The following ABCC1 variants were observed in gnomAD, a reference collection of about 807,000 sequenced individuals.
ABCC1 encodes the protein ATP binding cassette subfamily C member 1 (ABCC1 blood group).
In ABCC1, 83 loss-of-function variants were observed where a neutral mutation model predicts 172.9. The ratio of observed to expected loss-of-function variants is 0.48; its 90% CI spans 0.40 to 0.58. The LOEUF is 0.58. ABCC1 is among the 20% of genes least tolerant of loss of function. The probability of loss-of-function intolerance (pLI) is 0.00; values close to 1 mark genes in which losing one functional copy is unlikely to be tolerated. For synonymous variants in ABCC1, 937 were observed against 825.2 expected (o/e 1.14, Z -2.32); for missense variants, 1,817 against 2,002.7 (o/e 0.91, Z 1.77).
At chr16:16,116,352 C>T (rs1157611859) in intron 23 of ABCC1, among the ~76,000 whole-genome samples, 3 of 152,150 alleles carry the variant, frequency 2.0e-5, no homozygotes, top group South Asian at 2.1e-4. Context: ...TATCTGCAGG[C>T]ACACATTCTA....
At chr16:16,037,863 G>C (rs903207842) in intron 7 of ABCC1, among the ~76,000 whole-genome samples, 1 of 152,186 alleles carries the variant, frequency 6.6e-6, no homozygotes, top group African/African-American at 2.4e-5. Flanking sequence ...ACTCCGGTCG[G>C]AGGCTGTTTG....
intron 14 of ABCC1, 32 bp downstream of exon 14, chr16:16,071,761 G>C: frequency 6.3e-7 from 1 of 1,588,954 alleles, no homozygotes; most frequent in Non-Finnish European, 8.6e-7. Context: ...GCTTCTGGAA[G>C]TGGCCGCCTT....
At chr16:16,012,700 T>G (rs1460419084) in intron 3 of ABCC1, among the ~76,000 whole-genome samples, 1 of 149,550 alleles carries the variant, frequency 6.7e-6, no homozygotes, top group Non-Finnish European at 1.5e-5. Context: ...TTTTTTTTTT[T>G]CCTTTGAGGC....
At chr16:15,968,465 G>T (rs1352682256) in intron 1 of ABCC1, among the ~76,000 whole-genome samples, 1 of 151,948 alleles carries the variant, frequency 6.6e-6, no homozygotes, top group African/African-American at 2.4e-5. Context: ...TGGAGTGCAG[G>T]TGGCGTGATC....
At chr16:16,017,870 G>C (rs960460029) in intron 5 of ABCC1, among the ~76,000 whole-genome samples, 4 of 152,124 alleles carry the variant, frequency 2.6e-5, no homozygotes, top group African/African-American at 9.7e-5. Flanking sequence ...TAGAGGAAGA[G>C]TGTTCCAGGC....
chr16:16,111,314 G>GGCTGGT lies in ABCC1; in HGVS notation c.2872-56_2872-55insTGCTGG, dbSNP rs1458462492. ...GCTGGTGAAGCCCCCGACCTTGTGG[G>GGCTGGT]GCTGGGGCTGGGGCTGGGTGCGTGC... is the stretch of plus-strand genomic sequence containing the variant. On this transcript the variant is annotated intron_variant, in intron 21 of 30. Coordinates refer to ENST00000399410, the MANE Select transcript of ABCC1 (RefSeq NM_004996.4). The GGCTGGT allele has an allele frequency of 3.4e-6, 5 of 1,475,986 alleles. No individual in the cohort carries two copies. The Admixed American group carries it at 8.4e-5, about 25-fold the overall frequency. 91.4% of individuals were successfully genotyped at this position (1,475,986 alleles called of 1,614,324 possible).
intron 19 of ABCC1, 150 bp downstream of exon 19, chr16:16,090,738 A>G (rs1475649303): frequency 1.3e-5 from 11 of 864,008 alleles, no homozygotes; most frequent in Admixed American, 3.4e-5. Flanking sequence ...TAAAGAAGCA[A>G]TGTGGAAAAC....
chr16:15,972,863 A>G (rs1597064332), intron 1 of ABCC1, among the ~76,000 whole-genome samples: 1 of 145,006 alleles, frequency 6.9e-6, no homozygotes, highest in East Asian at 2.0e-4. Context: ...TGGTGGCACA[A>G]TCTCAGCTCG....
intron 1 of ABCC1, among the ~76,000 whole-genome samples, chr16:15,953,980 A>G (rs1465580652): frequency 7.1e-6 from 1 of 140,280 alleles, no homozygotes; most frequent in Non-Finnish European, 1.5e-5. Context: ...GCCTTCTCCT[A>G]CTTCCTCTGT....
chr16:16,093,377 G>T (rs4148359), intron 19 of ABCC1, among the ~76,000 whole-genome samples: 1 of 151,678 alleles, frequency 6.6e-6, no homozygotes, highest in Non-Finnish European at 1.5e-5. Context: ...GATAGGTTCC[G>T]CACCCCCGCC....
At chr16:16,069,763 C>G (rs544016619) in intron 13 of ABCC1, among the ~76,000 whole-genome samples, 63 of 152,156 alleles carry the variant, frequency 4.1e-4, no homozygotes, top group African/African-American at 1.3e-3. Context: ...ATGGCTCACA[C>G]CTGCAATCCC....
intron 19 of ABCC1, chr16:16,098,890 G>T: frequency 7.4e-7 from 1 of 1,352,136 alleles, no homozygotes. Context: ...AGTGATGGAC[G>T]AGGAGGAAGC....
At chr16:16,081,563 C>A (rs781002202) in intron 16 of ABCC1, among the ~76,000 whole-genome samples, 1 of 152,112 alleles carries the variant, frequency 6.6e-6, no homozygotes, top group Non-Finnish European at 1.5e-5. Context: ...TATATTATGT[C>A]TGAAATTTCT....
chr16:16,127,166 A>G (rs2045476081), intron 26 of ABCC1, among the ~76,000 whole-genome samples: 1 of 152,182 alleles, frequency 6.6e-6, no homozygotes, highest in Admixed American at 6.5e-5. Context: ...GCCTTGTAGA[A>G]TGTCAGGCCC....
At chr16:16,102,400 G>A (rs2051801378) in intron 19 of ABCC1, among the ~76,000 whole-genome samples, 1 of 152,160 alleles carries the variant, frequency 6.6e-6, no homozygotes, top group African/African-American at 2.4e-5. Context: ...CTTCTGCACA[G>A]TTGCAAAGCA....
At chr16:16,134,882 T>G (rs2152152666) in intron 28 of ABCC1, among the ~76,000 whole-genome samples, 1 of 152,262 alleles carries the variant, frequency 6.6e-6, no homozygotes, top group South Asian at 2.1e-4. Flanking sequence ...GCTCAAGCAA[T>G]CCACCCACCT....
At chr16:16,036,657 C>A (rs903880) in intron 7 of ABCC1, 54 bp downstream of exon 7, 389,402 of 1,586,988 alleles carry the variant, frequency 0.25, 59,895 homozygotes, top group African/African-American at 0.75. Flanking sequence ...CCTTTCCACT[C>A]CTGTGGCCTC....
At chr16:16,048,605 C>G (rs1288820768) in intron 10 of ABCC1, among the ~76,000 whole-genome samples, 1 of 152,202 alleles carries the variant, frequency 6.6e-6, no homozygotes, top group African/African-American at 2.4e-5. Flanking sequence ...TGAATCCTCC[C>G]AAACGCTAAC....
chr16:16,076,328 G>A lies in ABCC1; in HGVS notation c.1915G>A (p.Gly639Arg), dbSNP rs539166124. 15 of 1,612,066 alleles carry A rather than the reference G, an allele frequency of 9.3e-6. 1 individual carries two copies. The highest frequency in any genetic ancestry group is 1.3e-5 in the Non-Finnish European group (15 of 1,179,112). The change falls in exon 15 of 31, where the codon GGG becomes AGG. Residue 639 changes from glycine to arginine, a missense_variant and splice_region_variant. This residue lies in a region of ABCC1 where 1,412 missense variants were observed against 1,600.3 expected (regional missense o/e 0.88). Coordinates refer to ENST00000399410, the MANE Select transcript of ABCC1 (RefSeq NM_004996.4). ...TGACATGTCTCTGTGCTTTGTAGGC[G>A]GGGGCACGAACAGCATCACCGTGAG... is the stretch of plus-strand genomic sequence containing the variant. ...SIERRPVKDG[G>R]GTNSITVRNA...
Sources: gnomAD v4.1 joint callset for allele counts (sites outside exome capture counted in the v4.1 genomes callset) on GRCh38, gnomAD v4.1.1 for gene constraint, gnomAD v4.1.1 regional missense constraint, MANE v1.5 for transcripts, NCBI Gene and HGNC (gene_info 2026-07-23, HGNC 2026-07-21) for gene names.